The following CEP89 variants were observed in gnomAD, a reference collection of about 807,000 sequenced individuals.
CEP89 encodes the protein centrosomal protein 89.
Under a neutral mutation model 97.6 loss-of-function variants are expected in CEP89, and 95 were observed. That is an observed-to-expected ratio of 0.97 (90% CI 0.82 to 1.15). The LOEUF (loss-of-function observed/expected upper bound fraction) is 1.15, where lower values mean the gene tolerates loss of function less well. Ranked by LOEUF, CEP89 falls within the 50% of genes most tolerant of loss-of-function variation. CEP89 has a pLI of 0.00. For synonymous variants in CEP89, 354 were observed against 349.1 expected (o/e 1.01, Z -0.16); for missense variants, 869 against 947.7 (o/e 0.92, Z 1.09).
intron 4 of CEP89, among the ~76,000 whole-genome samples, chr19:32,951,563 A>ACACACACACG (rs1322469845): frequency 6.0e-5 from 9 of 150,708 alleles, no homozygotes; most frequent in African/African-American, 2.2e-4. Context: ...ACACACACAC[A>ACACACACACG]CACGCACACT....
intron 4 of CEP89, among the ~76,000 whole-genome samples, chr19:32,952,246 C>T (rs1316513999): frequency 3.3e-5 from 5 of 151,106 alleles, no homozygotes; most frequent in South Asian, 2.1e-4. Flanking sequence ...TTTGGGAGCC[C>T]GAAGCAAGAG....
At position 32,946,803 on chromosome 19, in the gene CEP89, ACT is replaced by A. The variant is rs1568574268; in HGVS notation, c.595+1461_595+1462del. Among the ~76,000 whole-genome samples the A allele has an allele frequency of 3.9e-5, 6 of 152,200 alleles. No homozygotes were observed. The South Asian group carries it at 1.2e-3, about 32-fold the overall frequency. ...GATGTGCCTTTCACCTTCTGCCATG[ACT>A]GTGAGGCCTCCCCAGCCACGGGGAA... On this transcript the variant is annotated intron_variant, in intron 5 of 18. Transcript: ENST00000305768.
At chr19:32,912,850 G>A (rs1970030526) in intron 14 of CEP89, among the ~76,000 whole-genome samples, 1 of 151,426 alleles carries the variant, frequency 6.6e-6, no homozygotes, top group Non-Finnish European at 1.5e-5. Context: ...AGACCATCCT[G>A]GCTGACACGG....
intron 5 of CEP89, among the ~76,000 whole-genome samples, chr19:32,946,627 C>G (rs750014500): frequency 6.6e-6 from 1 of 152,140 alleles, no homozygotes; most frequent in Non-Finnish European, 1.5e-5. Context: ...CTCATATTGT[C>G]GGAGGGACCC....
chr19:32,903,045 GAAAGAATCCAGC>G (rs2145891017), intron 14 of CEP89, among the ~76,000 whole-genome samples: 1 of 152,108 alleles, frequency 6.6e-6, no homozygotes, highest in East Asian at 1.9e-4. Context: ...AATCAGCTTT[GAAAGAATCCAGC>G]TTAGCCACAT....
intron 14 of CEP89, among the ~76,000 whole-genome samples, chr19:32,912,722 T>C (rs574958069): frequency 1.2e-4 from 19 of 152,234 alleles, no homozygotes; most frequent in African/African-American, 4.6e-4. Context: ...TAATTTTATA[T>C]AGCTACACAC....
intron 1 of CEP89, 69 bp downstream of exon 1, chr19:32,971,767 G>A (rs1301066890): frequency 7.1e-7 from 1 of 1,402,324 alleles, no homozygotes; most frequent in Non-Finnish European, 9.8e-7. Context: ...ACCCCAACCC[G>A]CCCCAACACT....
At chr19:32,933,367 A>G (rs767489233) in intron 8 of CEP89, 84 bp downstream of exon 8, 14 of 1,022,712 alleles carry the variant, frequency 1.4e-5, no homozygotes, top group Non-Finnish European at 2.0e-5. Flanking sequence ...CAACACAAAT[A>G]TCACAACATA....
Position 32,948,286 on chromosome 19 carries a change from G to A in CEP89, c.575C>T (p.Pro192Leu). Reference sequence around the variant, plus strand: ...TCTACCTTTTTGTTGTGTCCGCTGTGGTGCAGGAGGGGAGCCTGGAAACCC... The same window carrying A: ...TCTACCTTTTTGTTGTGTCCGCTGTAGTGCAGGAGGGGAGCCTGGAAACCC... ...QDGFPGSPPA[P>L]QRTQQKDGKH... The change falls in exon 5 of 19, where the codon CCA becomes CTA. Residue 192 changes from proline (P) to leucine (L), a missense_variant. Pro to Leu is a moderately conservative substitution (Grantham distance 98, BLOSUM62 -3). Coordinates refer to ENST00000305768, the MANE Select transcript of CEP89 (RefSeq NM_032816.5). 1 of 1,602,016 alleles carries A rather than the reference G, an allele frequency of 6.2e-7. No individual in the cohort carries two copies. The highest frequency in any genetic ancestry group is 1.1e-5 in the South Asian group (1 of 90,278).
At position 32,923,555 on chromosome 19, in the gene CEP89, G is replaced by C; in HGVS notation, c.1165-13C>G. On this transcript the variant is annotated splice_polypyrimidine_tract_variant and intron_variant, in intron 11 of 18. Coordinates refer to ENST00000305768, the MANE Select transcript of CEP89 (RefSeq NM_032816.5). ...TTCTCATTTCCTCCTGAAATAAAAT[G>C]TACGTAAATTATAACACACACATAC... is the stretch of plus-strand genomic sequence containing the variant. 6.7e-7 allele frequency: 1 copy of C among 1,497,602 alleles called. No individual in the cohort carries two copies. Among genetic ancestry groups the C allele is most frequent in the Non-Finnish European group, 9.3e-7 (1 of 1,074,870 alleles). The allele number at this position is 1,497,602 out of a possible 1,614,324, so 92.8% of individuals were successfully genotyped here.
intron 17 of CEP89, among the ~76,000 whole-genome samples, chr19:32,885,804 G>A (rs1969382654): frequency 6.6e-6 from 1 of 152,054 alleles, no homozygotes; most frequent in Non-Finnish European, 1.5e-5. Flanking sequence ...TTCTTCTTTG[G>A]AGGCTCTAGA....
At chr19:32,907,380 G>C (rs1231868556) in intron 14 of CEP89, among the ~76,000 whole-genome samples, 2 of 151,480 alleles carry the variant, frequency 1.3e-5, no homozygotes, top group Non-Finnish European at 2.9e-5. Context: ...AGAGAATAAA[G>C]ATAACACATT....
At chr19:32,887,890 A>C in intron 16 of CEP89, 49 bp from the exon 17 acceptor site, 1 of 1,045,056 alleles carries the variant, frequency 9.6e-7, no homozygotes, top group Non-Finnish European at 1.5e-6. Context: ...GAAAAATTGA[A>C]ATAACAAACA....
chr19:32,900,059 G>A, intron 15 of CEP89, 61 bp from the exon 16 acceptor site: 2 of 1,470,764 alleles, frequency 1.4e-6, no homozygotes, highest in Non-Finnish European at 1.9e-6. Flanking sequence ...CTAGGGCATG[G>A]TGAATATCTG....
chr19:32,896,508 A>G (rs1410251431), intron 16 of CEP89, among the ~76,000 whole-genome samples: 2 of 152,234 alleles, frequency 1.3e-5, no homozygotes, highest in African/African-American at 4.8e-5. Flanking sequence ...ACCTGAAACT[A>G]TAAAACTACT....
chr19:32,891,884 A>T (rs539463113), intron 16 of CEP89, among the ~76,000 whole-genome samples: 12,268 of 149,274 alleles, frequency 0.082, 1,561 homozygotes, highest in African/African-American at 0.27. Context: ...AGAAAAATTA[A>T]AAAAAAAAAT....
rs1555791794 is a variant in CEP89, at chr19:32,925,506, T to TTTC, written c.1164+683_1164+684insGAA. 1.6e-4 allele frequency among the ~76,000 whole-genome samples: 20 copies of TTTC among 128,632 alleles called. 2 individuals carry two copies. The highest frequency in any genetic ancestry group is 1.0e-3 in the Admixed American group (13 of 12,670). 84.4% of individuals were successfully genotyped at this position (128,632 alleles called of 152,430 possible). On this transcript the variant is annotated intron_variant, in intron 11 of 18. Transcript: ENST00000305768. ...AGCCCTTTTTTTTTTTTTTTTTTTT[T>TTTC]CGAGACGGAGTCTGGCCCCATCGCC...
At chr19:32,885,928 G>T (rs1365208654) in intron 17 of CEP89, among the ~76,000 whole-genome samples, 1 of 152,064 alleles carries the variant, frequency 6.6e-6, no homozygotes, top group Non-Finnish European at 1.5e-5. Flanking sequence ...GCGCTGTTAT[G>T]ACATCTGTCT....
In CEP89 at chr19:32,958,022, C is replaced by T. The variant is rs537623415; in HGVS notation, c.305+1878G>A. On this transcript the variant is annotated intron_variant, in intron 3 of 18. Coordinates refer to ENST00000305768, the MANE Select transcript of CEP89 (RefSeq NM_032816.5). ...AAACAAAACAAAAAAATCCCCCCCCCGCCAAAAAATAAAATACAATGGGGA... is the reference window on the plus strand; with the variant it reads ...AAACAAAACAAAAAAATCCCCCCCCTGCCAAAAAATAAAATACAATGGGGA... Among the ~76,000 whole-genome samples, 3 of 151,110 alleles carry T rather than the reference C, an allele frequency of 2.0e-5. No individual in the cohort carries two copies. In the South Asian group the frequency reaches 6.3e-4, roughly 32 times the overall value.
Sources: allele counts gnomAD v4.1 joint callset (sites outside exome capture counted in the v4.1 genomes callset), GRCh38; gene constraint gnomAD v4.1.1; transcripts MANE v1.5; gene names NCBI Gene and HGNC (gene_info 2026-07-23, HGNC 2026-07-21).